TEX36: variants seen among roughly 807,000 people sequenced by gnomAD.
TEX36 encodes testis-expressed protein 36.
A neutral mutation model predicts 13.6 loss-of-function variants in TEX36; 12 were observed. That is an observed-to-expected ratio of 0.88 (90% CI 0.56 to 1.43). The LOEUF (loss-of-function observed/expected upper bound fraction) is 1.43. TEX36 is among the 40% of genes most tolerant of loss of function. The pLI, the probability that TEX36 is intolerant of heterozygous loss-of-function variation, is 0.00. For missense variants in TEX36, 224 were observed against 228.3 expected, an observed-to-expected ratio of 0.98 and a Z score of 0.12; for synonymous variants, 93 against 83.0, an observed-to-expected ratio of 1.12 and a Z score of -0.65.
At chr10:125,668,296 T>C (rs1847160769) in intron 1 of TEX36, among the ~76,000 whole-genome samples, 1 of 151,204 alleles carries the variant, frequency 6.6e-6, no homozygotes, top group African/African-American at 2.5e-5. Context: ...TTCTGGACTT[T>C]TCTTTGTTGG....
intron 3 of TEX36, among the ~76,000 whole-genome samples, chr10:125,627,775 G>C (rs1846505470): frequency 6.6e-6 from 1 of 152,210 alleles, no homozygotes; most frequent in African/African-American, 2.4e-5. Flanking sequence ...TGAGTCCTTG[G>C]GACACCAAGG....
intron 1 of TEX36, among the ~76,000 whole-genome samples, chr10:125,682,456 T>C (rs1346611995): frequency 6.6e-6 from 1 of 152,196 alleles, no homozygotes; most frequent in African/African-American, 2.4e-5. Context: ...AACAAGAATT[T>C]GTTTAGAGGT....
At chr10:125,671,378 A>G (rs1006599730) in intron 1 of TEX36, among the ~76,000 whole-genome samples, 4 of 152,164 alleles carry the variant, frequency 2.6e-5, no homozygotes, top group African/African-American at 9.7e-5. Context: ...TTCTATGTCT[A>G]TTGAGATAAT....
chr10:125,660,400 CA>C (rs1488780367), intron 3 of TEX36, among the ~76,000 whole-genome samples: 3 of 152,192 alleles, frequency 2.0e-5, no homozygotes, highest in African/African-American at 7.2e-5. Context: ...GCTGGGATTT[CA>C]GGGCTGAGCC....
chr10:125,662,453 C>G (rs1847060163), intron 1 of TEX36, among the ~76,000 whole-genome samples: 1 of 152,006 alleles, frequency 6.6e-6, no homozygotes, highest in African/African-American at 2.4e-5. Flanking sequence ...AAGTGATTCT[C>G]CACTGGAAAT....
At chr10:125,670,614 C>T (rs9422793) in intron 1 of TEX36, among the ~76,000 whole-genome samples, 2,640 of 152,180 alleles carry the variant, frequency 0.017, 75 homozygotes, top group African/African-American at 0.059. Context: ...TTGTCAATTT[C>T]TGCTTTTGTT....
chr10:125,640,982 G>A (rs1380847982), intron 3 of TEX36, among the ~76,000 whole-genome samples: 6 of 137,038 alleles, frequency 4.4e-5, no homozygotes, highest in Non-Finnish European at 7.8e-5. Flanking sequence ...CCCCTCCCCC[G>A]GGAATCTTCA....
intron 1 of TEX36, among the ~76,000 whole-genome samples, chr10:125,677,336 C>G (rs1006387972): frequency 6.6e-6 from 1 of 152,158 alleles, no homozygotes; most frequent in Non-Finnish European, 1.5e-5. Flanking sequence ...ATCCTGATAA[C>G]TTAAATGTTT....
chr10:125,624,772 G>C (rs12217538), intron 3 of TEX36, among the ~76,000 whole-genome samples: 6,356 of 152,168 alleles, frequency 0.042, 236 homozygotes, highest in South Asian at 0.17. Context: ...AAATGGCACA[G>C]AGGGTTTTGT....
chr10:125,605,664 C>A (rs953061139), intron 3 of TEX36, among the ~76,000 whole-genome samples: 5 of 152,126 alleles, frequency 3.3e-5, no homozygotes, highest in African/African-American at 9.7e-5. Context: ...CACAGTGGTG[C>A]CATCTCCGCT....
At chr10:125,658,123 A>G (rs1004085825) in intron 3 of TEX36, among the ~76,000 whole-genome samples, 4 of 152,210 alleles carry the variant, frequency 2.6e-5, no homozygotes, top group African/African-American at 9.6e-5. Flanking sequence ...AAAGAAATAG[A>G]TTCTTCGATT....
chr10:125,644,431 A>T (rs1459015196), intron 3 of TEX36, among the ~76,000 whole-genome samples: 5 of 150,938 alleles, frequency 3.3e-5, no homozygotes, highest in African/African-American at 1.2e-4. Context: ...AACTGAAAAT[A>T]AAAAAAAACA....
intron 3 of TEX36, among the ~76,000 whole-genome samples, chr10:125,650,163 G>T (rs1846831290): frequency 6.6e-6 from 1 of 152,160 alleles, no homozygotes; most frequent in African/African-American, 2.4e-5. Context: ...GACATCTACA[G>T]AACTCTCCAC....
At chr10:125,598,841 A>G (rs557885478) in intron 3 of TEX36, among the ~76,000 whole-genome samples, 1 of 152,332 alleles carries the variant, frequency 6.6e-6, no homozygotes, top group East Asian at 1.9e-4. Flanking sequence ...CCTAACATTG[A>G]GCTGTCTTGA....
chr10:125,604,105 C>G (rs1846183235), intron 3 of TEX36, among the ~76,000 whole-genome samples: 1 of 152,144 alleles, frequency 6.6e-6, no homozygotes, highest in African/African-American at 2.4e-5. Context: ...GGAAAAGAAA[C>G]ATGTTTCCCA....
intron 3 of TEX36, among the ~76,000 whole-genome samples, chr10:125,636,056 G>T (rs1171239345): frequency 6.6e-6 from 1 of 151,682 alleles, no homozygotes; most frequent in African/African-American, 2.4e-5. Flanking sequence ...AAAATGTATT[G>T]TAGAGATGAG....
chr10:125,587,933 A>T (rs183701490), intron 3 of TEX36, among the ~76,000 whole-genome samples: 1 of 152,118 alleles, frequency 6.6e-6, no homozygotes, highest in East Asian at 1.9e-4. Flanking sequence ...TATCTTGGAG[A>T]TCATCCCATA....
chr10:125,629,153 A>G (rs1005678424), intron 3 of TEX36, among the ~76,000 whole-genome samples: 1 of 152,236 alleles, frequency 6.6e-6, no homozygotes, highest in African/African-American at 2.4e-5. Context: ...GATCTACATC[A>G]TAACTGCAAT....
At chr10:125,681,897 A>C (rs1216470814) in intron 1 of TEX36, among the ~76,000 whole-genome samples, 1 of 152,232 alleles carries the variant, frequency 6.6e-6, no homozygotes, top group East Asian at 1.9e-4. Flanking sequence ...TGAGACTTAG[A>C]AAGACTAAGC....
Sources: gnomAD v4.1 joint callset for allele counts (sites outside exome capture counted in the v4.1 genomes callset) on GRCh38, gnomAD v4.1.1 for gene constraint, MANE v1.5 for transcripts, NCBI Gene and HGNC (gene_info 2026-07-23, HGNC 2026-07-21) for gene names.